The following KIAA0232 variants were observed in gnomAD, a reference collection of about 807,000 sequenced individuals.
The protein encoded by KIAA0232 is KIAA0232.
In KIAA0232, 27 loss-of-function variants were observed where a neutral mutation model predicts 122.0. That is an observed-to-expected ratio of 0.22 (90% confidence interval 0.16 to 0.31). The LOEUF is 0.31. KIAA0232 is among the 10% of genes least tolerant of loss of function. KIAA0232 has a pLI of 1.00. For missense variants in KIAA0232, 1,551 were observed against 1,634.2 expected (o/e 0.95, Z 0.88); for synonymous variants, 613 against 587.6 (o/e 1.04, Z -0.63).
chr4:6,783,330 G>A (rs1428216123), intron 1 of KIAA0232, among the ~76,000 whole-genome samples: 1 of 152,232 alleles, frequency 6.6e-6, no homozygotes, highest in Admixed American at 6.5e-5. Context: ...GGCTGTGGAC[G>A]ATGAGTCCGC....
chr4:6,851,000 C>T (rs1449199948), intron 4 of KIAA0232, among the ~76,000 whole-genome samples: 2 of 152,156 alleles, frequency 1.3e-5, no homozygotes, highest in African/African-American at 2.4e-5. Context: ...TATCCTTGTG[C>T]GTATGTACAG....
intron 2 of KIAA0232, among the ~76,000 whole-genome samples, chr4:6,810,522 A>T (rs1258460108): frequency 6.6e-6 from 1 of 152,208 alleles, no homozygotes; most frequent in Non-Finnish European, 1.5e-5. Context: ...GATATAGGCA[A>T]AGAATCAGTG....
At chr4:6,854,071 C>G (rs1445404919) in intron 4 of KIAA0232, among the ~76,000 whole-genome samples, 1 of 152,130 alleles carries the variant, frequency 6.6e-6, no homozygotes, top group Non-Finnish European at 1.5e-5. Context: ...GGTTAATTAT[C>G]TTTTTACTCC....
In KIAA0232 at chr4:6,863,916, G is replaced by T. The variant is rs555627147; in HGVS notation, c.3534G>T (p.Arg1178Ser). 8 of 1,613,930 alleles carry T rather than the reference G, an allele frequency of 5.0e-6. No homozygotes were observed. The highest frequency in any genetic ancestry group is 1.1e-5 in the South Asian group (1 of 91,034). ...TTGAGTCTGGAAAATTCCTTCCCAGGTTAAAAAAATCTGGGATGGAAAAGA... is the reference window on the plus strand; with the variant it reads ...TTGAGTCTGGAAAATTCCTTCCCAGTTTAAAAAAATCTGGGATGGAAAAGA... ...SELESGKFLP[R>S]LKKSGMEKSA... The change falls in exon 7 of 10, where the codon AGG becomes AGT. Residue 1178 changes from arginine to serine, a missense_variant. Transcript: ENST00000307659.
intron 1 of KIAA0232, among the ~76,000 whole-genome samples, chr4:6,801,172 A>G (rs1717369242): frequency 6.6e-6 from 1 of 152,206 alleles, no homozygotes; most frequent in Non-Finnish European, 1.5e-5. Context: ...TGTCTTTTCT[A>G]TTCAGTATCC....
intron 2 of KIAA0232, among the ~76,000 whole-genome samples, chr4:6,817,138 C>A (rs145308686): frequency 1.3e-5 from 2 of 152,266 alleles, no homozygotes; most frequent in Non-Finnish European, 2.9e-5. Flanking sequence ...AAACTGAGAT[C>A]ATTGATTTAA....
intron 2 of KIAA0232, among the ~76,000 whole-genome samples, chr4:6,821,581 C>T (rs1718425210): frequency 6.6e-6 from 1 of 151,714 alleles, no homozygotes; most frequent in African/African-American, 2.4e-5. Context: ...GAGTAGTAGT[C>T]CATGGTGTAT....
At position 6,792,908 on chromosome 4, in the gene KIAA0232, G is replaced by A. The variant is rs373962304; in HGVS notation, c.-354+10067G>A. 3.0e-4 allele frequency among the ~76,000 whole-genome samples: 46 copies of A among 151,946 alleles called. No homozygotes were observed. The East Asian group carries it at 5.8e-3, about 19-fold the overall frequency. On this transcript the variant is annotated intron_variant, in intron 1 of 9. Transcript: ENST00000307659. Reference sequence around the variant, plus strand: ...GGTTTCACCATGTTAGAATGGTCTCGATCTCCTGATCTCGTGATCCGCCTG... The same window carrying A: ...GGTTTCACCATGTTAGAATGGTCTCAATCTCCTGATCTCGTGATCCGCCTG...
intron 3 of KIAA0232, among the ~76,000 whole-genome samples, chr4:6,839,067 A>T (rs965713424): frequency 2.0e-5 from 3 of 152,212 alleles, no homozygotes; most frequent in East Asian, 3.8e-4. Context: ...CAGAGGTTGC[A>T]ATGAGCCAAG....
chr4:6,832,992 A>G (rs1486315538), intron 3 of KIAA0232, among the ~76,000 whole-genome samples: 1 of 152,208 alleles, frequency 6.6e-6, no homozygotes, highest in African/African-American at 2.4e-5. Flanking sequence ...CCCAGTCCTG[A>G]GTGCTAGGTG....
At position 6,857,209 on chromosome 4, in the gene KIAA0232, A is replaced by C; in HGVS notation, c.415A>C (p.Lys139Gln). The C allele has an allele frequency of 6.2e-7, 1 of 1,612,062 alleles. No individual in the cohort carries two copies. The highest frequency in any genetic ancestry group is 8.5e-7 in the Non-Finnish European group (1 of 1,179,018). The change falls in exon 5 of 10, where the codon AAA becomes CAA. Residue 139 changes from lysine to glutamine, a missense_variant. By Grantham distance (53) the Lys-to-Gln change is moderately conservative. Around this residue, in one of 5 missense-constraint regions of KIAA0232, gnomAD observed 377 missense variants for 381.7 expected, o/e 0.99. Transcript: ENST00000307659. ...AGTGGAGGAGCTCTGCTCCAGACTG[A>C]AAGACCTTCAGAGTAAGCAAGGTGA... is the stretch of plus-strand genomic sequence containing the variant. ...TLVEELCSRL[K>Q]DLQSKQEEKI...
chr4:6,853,792 G>A (rs751934317), intron 4 of KIAA0232, among the ~76,000 whole-genome samples: 8 of 152,204 alleles, frequency 5.3e-5, no homozygotes, highest in Non-Finnish European at 1.5e-5. Flanking sequence ...TGGGAAGTAT[G>A]GAGAAGATGG....
intron 4 of KIAA0232, among the ~76,000 whole-genome samples, chr4:6,852,429 G>T (rs1488275652): frequency 6.6e-6 from 1 of 152,128 alleles, no homozygotes; most frequent in Non-Finnish European, 1.5e-5. Context: ...AGTCATTAAA[G>T]TATGGAATTG....
intron 7 of KIAA0232, among the ~76,000 whole-genome samples, chr4:6,868,721 C>T (rs1239757063): frequency 6.6e-6 from 1 of 152,176 alleles, no homozygotes; most frequent in African/African-American, 2.4e-5. Context: ...TGAATTAATA[C>T]ATTCGATGAT....
intron 3 of KIAA0232, among the ~76,000 whole-genome samples, chr4:6,841,751 G>T (rs377256752): frequency 1.5e-3 from 222 of 152,238 alleles, no homozygotes; most frequent in African/African-American, 5.2e-3. Context: ...TTTGACAAAA[G>T]TGCAAGACTT....
chr4:6,812,233 A>G (rs970353883), intron 2 of KIAA0232, among the ~76,000 whole-genome samples: 1 of 152,106 alleles, frequency 6.6e-6, no homozygotes, highest in Non-Finnish European at 1.5e-5. Context: ...GAGGGTCAAA[A>G]CCAGTGTCGT....
intron 1 of KIAA0232, among the ~76,000 whole-genome samples, chr4:6,802,142 C>T (rs564903636): frequency 6.6e-6 from 1 of 152,298 alleles, no homozygotes; most frequent in Non-Finnish European, 1.5e-5. Context: ...GGTCCAGACT[C>T]AGGGAATGGA....
At chr4:6,789,970 A>G (rs1716815677) in intron 1 of KIAA0232, among the ~76,000 whole-genome samples, 1 of 152,124 alleles carries the variant, frequency 6.6e-6, no homozygotes, top group Non-Finnish European at 1.5e-5. Flanking sequence ...TCAAGGCTGC[A>G]GTGAGCCATG....
intron 2 of KIAA0232, among the ~76,000 whole-genome samples, chr4:6,821,322 T>A (rs1718410742): frequency 1.3e-5 from 2 of 152,148 alleles, no homozygotes; most frequent in Non-Finnish European, 2.9e-5. Flanking sequence ...ACCCATCACC[T>A]GAGCGGCATA....
Sources: allele counts gnomAD v4.1 joint callset (sites outside exome capture counted in the v4.1 genomes callset), GRCh38; gene constraint gnomAD v4.1.1; regional missense constraint gnomAD v4.1.1; transcripts MANE v1.5; gene names NCBI Gene and HGNC (gene_info 2026-07-23, HGNC 2026-07-21).